The following EPN2 variants were observed in gnomAD, a reference collection of about 807,000 sequenced individuals.
EPN2 encodes the protein epsin-2.
In EPN2, 34 loss-of-function variants were observed where a neutral mutation model predicts 61.7. The observed-to-expected ratio is 0.55, with a 90% confidence interval of 0.42 to 0.73. The LOEUF is 0.73. EPN2 is among the 30% of genes least tolerant of loss of function. The pLI, the probability that EPN2 is intolerant of heterozygous loss-of-function variation, is 0.00. For missense variants in EPN2, 714 were observed against 839.2 expected (o/e 0.85, Z 1.84); for synonymous variants, 349 against 353.6 (o/e 0.99, Z 0.15).
At chr17:19,291,822 A>T (rs1165884090) in intron 4 of EPN2, among the ~76,000 whole-genome samples, 1 of 152,192 alleles carries the variant, frequency 6.6e-6, no homozygotes, top group Non-Finnish European at 1.5e-5. Context: ...GGAAGTCCCC[A>T]GGCACAGTGG....
At chr17:19,321,962 TC>T (rs1906656775) in intron 7 of EPN2, among the ~76,000 whole-genome samples, 1 of 152,182 alleles carries the variant, frequency 6.6e-6, no homozygotes, top group Admixed American at 6.5e-5. Context: ...CCACAAGGTG[TC>T]CTGTTGCAGG....
At chr17:19,249,645 G>A (rs561093053) in intron 1 of EPN2, 35 of 152,428 alleles carry the variant, frequency 2.3e-4, no homozygotes, top group African/African-American at 7.9e-4. Flanking sequence ...GACTAGAAAA[G>A]TGGTCCTTAG....
At chr17:19,243,695 G>A (rs1431333478) in intron 1 of EPN2, among the ~76,000 whole-genome samples, 2 of 151,968 alleles carry the variant, frequency 1.3e-5, no homozygotes, top group African/African-American at 4.8e-5. Context: ...GCCCGGCCAT[G>A]CCCGGCTAAT....
chr17:19,308,627 A>G, intron 4 of EPN2: 1 of 985,344 alleles, frequency 1.0e-6, no homozygotes, highest in Non-Finnish European at 1.2e-6. Flanking sequence ...GCGCTGAGGG[A>G]ACAGCCTGCA....
chr17:19,310,685 C>T (rs1906094790), intron 5 of EPN2, among the ~76,000 whole-genome samples: 1 of 133,932 alleles, frequency 7.5e-6, no homozygotes, highest in African/African-American at 2.8e-5. Flanking sequence ...TCAAGTGATT[C>T]TCGTGCCTCA....
At chr17:19,332,131 C>A in intron 10 of EPN2, 63 bp downstream of exon 10, 3 of 1,281,814 alleles carry the variant, frequency 2.3e-6, no homozygotes, top group Non-Finnish European at 2.2e-6. Flanking sequence ...GTGCAGCAGG[C>A]CTCTTGGGGG....
At chr17:19,280,552 A>G (rs947702070) in intron 1 of EPN2, among the ~76,000 whole-genome samples, 15 of 152,184 alleles carry the variant, frequency 9.9e-5, no homozygotes, top group Non-Finnish European at 1.6e-4. Context: ...ATTCCTTGAC[A>G]TATTTGAGGA....
chr17:19,277,513 G>T (rs1358172196), intron 1 of EPN2, among the ~76,000 whole-genome samples: 1 of 152,148 alleles, frequency 6.6e-6, no homozygotes, highest in Non-Finnish European at 1.5e-5. Context: ...TGTTTGCTGG[G>T]AGAGAAGATG....
At chr17:19,255,864 C>G (rs934801628) in intron 1 of EPN2, among the ~76,000 whole-genome samples, 1 of 151,276 alleles carries the variant, frequency 6.6e-6, no homozygotes, top group African/African-American at 2.4e-5. Context: ...TTTAAGCAAT[C>G]CTTCTGTCTC....
In EPN2 at chr17:19,285,767, T is replaced by C; in HGVS notation, c.743T>C (p.Leu248Pro). 1 of 1,604,736 alleles carries C rather than the reference T, an allele frequency of 6.2e-7. No individual in the cohort carries two copies. Among genetic ancestry groups the C allele is most frequent in the Non-Finnish European group, 8.5e-7 (1 of 1,175,904 alleles). The change falls in exon 4 of 11, where the codon CTC becomes CCC. Residue 248 changes from leucine to proline, a missense_variant. Physicochemically the swap from Leu to Pro is moderately conservative, Grantham distance 98 (BLOSUM62 -3). Around this residue, in one of 2 missense-constraint regions of EPN2, gnomAD observed 304 missense variants for 417.4 expected, o/e 0.73. Coordinates refer to ENST00000314728, the MANE Select transcript of EPN2 (RefSeq NM_014964.5). The surrounding 1 kb of genome is among the most constrained non-coding windows in gnomAD (Gnocchi z 4.5). ...AATGGCGACTGGTCCCAGCCCTGCC[T>C]CACTTGTGACCGCGCAGCCCGAGGT... ...RPNGDWSQPC[L>P]TCDRAARATS...
At chr17:19,321,049 C>T (rs576287763) in intron 7 of EPN2, among the ~76,000 whole-genome samples, 1 of 152,318 alleles carries the variant, frequency 6.6e-6, no homozygotes, top group African/African-American at 2.4e-5. Context: ...GTCTCACATG[C>T]ACACAAGCGG....
intron 4 of EPN2, among the ~76,000 whole-genome samples, chr17:19,288,842 A>G (rs888246675): frequency 1.2e-4 from 19 of 152,126 alleles, no homozygotes; most frequent in Non-Finnish European, 2.4e-4. Flanking sequence ...CAGACCATGC[A>G]CTCAGTGGCC....
At chr17:19,299,822 C>T (rs1430297325) in intron 4 of EPN2, among the ~76,000 whole-genome samples, 5 of 152,164 alleles carry the variant, frequency 3.3e-5, no homozygotes, top group South Asian at 2.1e-4. Flanking sequence ...CCTTTTTTCA[C>T]CTGGTATTTC....
chr17:19,306,190 C>T (rs1905833876), intron 4 of EPN2: 1 of 152,286 alleles, frequency 6.6e-6, no homozygotes, highest in South Asian at 2.1e-4. Context: ...ACCTTCAGAT[C>T]CTCAGAGCAG....
Position 19,310,004 on chromosome 17 carries a change from GC to G in EPN2, c.879+11del, listed in dbSNP as rs775202472. 3.1e-6 allele frequency: 5 copies of G among 1,599,930 alleles called. No individual in the cohort carries two copies. The South Asian group carries it at 4.4e-5, about 14-fold the overall frequency. Reference sequence around the variant, plus strand: ...CAGAGAAGTGGCTGAGCAGGTCAGTGCCCCAGGCAGGTCTGCACTGCATTGA... The same window carrying G: ...CAGAGAAGTGGCTGAGCAGGTCAGTGCCCAGGCAGGTCTGCACTGCATTGA... On this transcript the variant is annotated splice_region_variant and intron_variant, in intron 5 of 10. Coordinates refer to ENST00000314728, the MANE Select transcript of EPN2 (RefSeq NM_014964.5).
At chr17:19,329,009 T>A in intron 8 of EPN2, 122 bp downstream of exon 8, 1 of 850,500 alleles carries the variant, frequency 1.2e-6, no homozygotes, top group East Asian at 2.8e-5. Context: ...CTCCTCCCCC[T>A]TAGCCTTTGT....
At chr17:19,259,272 G>A (rs1432290236) in intron 1 of EPN2, among the ~76,000 whole-genome samples, 1 of 149,082 alleles carries the variant, frequency 6.7e-6, no homozygotes, top group Non-Finnish European at 1.5e-5. Context: ...TGTGAGAGTC[G>A]TAGGTTATTG....
Position 19,334,593 on chromosome 17 carries a change from G to T in EPN2, c.*339G>T. ...CAGGATGTTGCCTGGCCCAGGACTTGGGACAGTGGCCTTGTCTTTGTCCTC... is the reference window on the plus strand; with the variant it reads ...CAGGATGTTGCCTGGCCCAGGACTTTGGACAGTGGCCTTGTCTTTGTCCTC... On this transcript the variant is annotated 3_prime_UTR_variant, in exon 11 of 11. Coordinates refer to ENST00000314728, the MANE Select transcript of EPN2 (RefSeq NM_014964.5). The surrounding 1 kb of genome is among the most constrained non-coding windows in gnomAD (Gnocchi z 4.9). 4.8e-6 allele frequency: 1 copy of T among 206,460 alleles called. No individual in the cohort carries two copies. Among genetic ancestry groups the T allele is most frequent in the Non-Finnish European group, 9.6e-6 (1 of 104,320 alleles). The allele number at this position is 206,460 out of a possible 1,614,324, so 12.8% of individuals were successfully genotyped here.
intron 7 of EPN2, among the ~76,000 whole-genome samples, chr17:19,324,904 A>C (rs947267281): frequency 1.3e-5 from 2 of 152,234 alleles, no homozygotes; most frequent in Non-Finnish European, 2.9e-5. Context: ...GGGCACAAAC[A>C]GCATTAGGAA....
Sources: gnomAD v4.1 joint callset for allele counts (sites outside exome capture counted in the v4.1 genomes callset) on GRCh38, gnomAD v4.1.1 for gene constraint, gnomAD v4.1.1 regional missense constraint, Gnocchi (gnomAD v3.1) non-coding constraint, MANE v1.5 for transcripts, NCBI Gene and HGNC (gene_info 2026-07-23, HGNC 2026-07-21) for gene names.